CDK15: variants seen among roughly 807,000 people sequenced by gnomAD.
CDK15 encodes the protein cyclin-dependent kinase 15.
In CDK15, 62 loss-of-function variants were observed where a neutral mutation model predicts 60.3. The ratio of observed to expected loss-of-function variants is 1.03; its 90% confidence interval spans 0.84 to 1.27. The LOEUF (loss-of-function observed/expected upper bound fraction) is 1.27. CDK15 is among the 50% of genes most tolerant of loss of function. CDK15 has a pLI of 0.00. For synonymous variants in CDK15, 194 were observed against 195.7 expected (o/e 0.99, Z 0.07); for missense variants, 541 against 527.8 (o/e 1.03, Z -0.25).
At chr2:201,826,138 C>T (rs970363144) in intron 6 of CDK15, among the ~76,000 whole-genome samples, 26 of 152,270 alleles carry the variant, frequency 1.7e-4, no homozygotes, top group African/African-American at 4.8e-4. Flanking sequence ...AGATGTGCAA[C>T]GGCATCAAAG....
At chr2:201,865,649 G>A (rs1698591492) in intron 10 of CDK15, among the ~76,000 whole-genome samples, 1 of 152,052 alleles carries the variant, frequency 6.6e-6, no homozygotes, top group South Asian at 2.1e-4. Flanking sequence ...CAGCATTTTG[G>A]GAGGCCGAGG....
At chr2:201,889,709 AGTT>A (rs1165075719) in intron 12 of CDK15, among the ~76,000 whole-genome samples, 1 of 152,104 alleles carries the variant, frequency 6.6e-6, no homozygotes, top group African/African-American at 2.4e-5. Flanking sequence ...ATTTTCAAAT[AGTT>A]TTTTTTTTCT....
chr2:201,854,846 T>G, intron 9 of CDK15, 28 bp from the exon 10 acceptor site: 2 of 1,610,536 alleles, frequency 1.2e-6, no homozygotes, highest in Non-Finnish European at 1.7e-6. Flanking sequence ...CACCTCACCT[T>G]TCTTTTTCTT....
chr2:201,887,644 G>A (rs1174424661), intron 12 of CDK15, among the ~76,000 whole-genome samples: 1 of 152,116 alleles, frequency 6.6e-6, no homozygotes, highest in Non-Finnish European at 1.5e-5. Context: ...CCGAATGCAA[G>A]GGTTCATATA....
At chr2:201,884,165 G>A (rs988292524) in intron 12 of CDK15, among the ~76,000 whole-genome samples, 13 of 152,244 alleles carry the variant, frequency 8.5e-5, no homozygotes, top group African/African-American at 2.4e-4. Flanking sequence ...GTCCTTGATC[G>A]TCAGGACATC....
In CDK15 at chr2:201,835,812, C is replaced by T. The variant is rs748376765; in HGVS notation, c.851+49C>T. ...TGAGTCATCCTACTCACGAGGGTTGCTTTATCATCTACATTATATTTTAAT... is the reference window on the plus strand; with the variant it reads ...TGAGTCATCCTACTCACGAGGGTTGTTTTATCATCTACATTATATTTTAAT... On this transcript the variant is annotated intron_variant, in intron 8 of 13. Transcript: ENST00000652192. 6 of 1,382,018 alleles carry T rather than the reference C, an allele frequency of 4.3e-6. No homozygotes were observed. In the South Asian group the frequency reaches 1.2e-4, roughly 28 times the overall value. The allele number at this position is 1,382,018 out of a possible 1,614,324, so 85.6% of individuals were successfully genotyped here.
rs1699335124 is a variant in CDK15 at position 201,882,929 on chromosome 2, A to G, written c.1198+2762A>G. ...TGCTTTTTCATTGCCCCTGGCAATG[A>G]GCCTTTATTAACAGCCTCCTTTGCA... On this transcript the variant is annotated intron_variant, in intron 12 of 13. Transcript: ENST00000652192. This position sits in a 1 kb window ranked among gnomAD's most constrained non-coding sequence, Gnocchi z 4.0. Among the ~76,000 whole-genome samples, 1 of 152,070 alleles carries G rather than the reference A, an allele frequency of 6.6e-6. No individual in the cohort carries two copies. Among genetic ancestry groups the G allele is most frequent in the Non-Finnish European group, 1.5e-5 (1 of 68,020 alleles).
chr2:201,808,082 C>G (rs2106146043), intron 3 of CDK15, 130 bp downstream of exon 3: 1 of 652,020 alleles, frequency 1.5e-6, no homozygotes, highest in South Asian at 2.7e-5. Flanking sequence ...CCATGGCCGA[C>G]AGGGAGAGAG....
In CDK15 at chr2:201,875,693, G is replaced by A. The variant is rs533908604; in HGVS notation, c.1058+3367G>A. 1.7e-3 allele frequency among the ~76,000 whole-genome samples: 263 copies of A among 152,284 alleles called. 1 individual carries two copies. The highest frequency in any genetic ancestry group is 6.0e-3 in the African/African-American group (248 of 41,546). ...TGATCAAGGTAGTTCAATGGAAAAA[G>A]TAGGTTATAAGAGCATGTATAGTAT... On this transcript the variant is annotated intron_variant, in intron 11 of 13. Coordinates refer to ENST00000652192, the MANE Select transcript of CDK15 (RefSeq NM_001366386.2).
chr2:201,808,829 A>G (rs1465029731), intron 3 of CDK15: 1 of 151,920 alleles, frequency 6.6e-6, no homozygotes, highest in Admixed American at 6.6e-5. Flanking sequence ...CTAAATATTT[A>G]TTATTTATCT....
rs968883971 is a variant in CDK15 at position 201,895,512 on chromosome 2, T to C, written c.*2245T>C. The C allele has an allele frequency of 6.6e-6, 1 of 152,266 alleles. No individual in the cohort carries two copies. Among genetic ancestry groups the C allele is most frequent in the Non-Finnish European group, 1.5e-5 (1 of 68,050 alleles). 9.4% of individuals were successfully genotyped at this position (152,266 alleles called of 1,614,324 possible). ...CTAAAACATTTAAATCTTTCATTTC[T>C]CAATTTTATCAAATAAACATTCCTG... On this transcript the variant is annotated 3_prime_UTR_variant, in exon 14 of 14. Transcript: ENST00000652192.
At chr2:201,845,911 C>A (rs1043571747) in intron 8 of CDK15, among the ~76,000 whole-genome samples, 1 of 151,184 alleles carries the variant, frequency 6.6e-6, no homozygotes, top group Non-Finnish European at 1.5e-5. Context: ...TCACCTGAAC[C>A]ACTTTTAATA....
At chr2:201,877,908 A>G (rs1002776299) in intron 11 of CDK15, among the ~76,000 whole-genome samples, 3 of 152,244 alleles carry the variant, frequency 2.0e-5, no homozygotes, top group Non-Finnish European at 4.4e-5. Context: ...TGCAAATCTT[A>G]TGCAAAAATT....
intron 8 of CDK15, among the ~76,000 whole-genome samples, chr2:201,840,990 A>G (rs1645745961): frequency 1.3e-5 from 2 of 152,174 alleles, no homozygotes; most frequent in Admixed American, 1.3e-4. Flanking sequence ...AGCTCCAATG[A>G]AAGACTATTA....
chr2:201,850,146 A>G (rs2105779909), intron 9 of CDK15, among the ~76,000 whole-genome samples: 1 of 152,284 alleles, frequency 6.6e-6, no homozygotes, highest in South Asian at 2.1e-4. Flanking sequence ...TTTAAAATAC[A>G]ATATACAGTT....
intron 10 of CDK15, among the ~76,000 whole-genome samples, chr2:201,855,762 G>A (rs1698116831): frequency 6.6e-6 from 1 of 151,686 alleles, no homozygotes; most frequent in Admixed American, 6.6e-5. Context: ...GATTTTTCTA[G>A]TCTTTATGGT....
At chr2:201,819,213 C>A (rs1401824584) in intron 4 of CDK15, among the ~76,000 whole-genome samples, 1 of 152,048 alleles carries the variant, frequency 6.6e-6, no homozygotes, top group African/African-American at 2.4e-5. Context: ...AGGAAGTCTG[C>A]ACCTATATGT....
chr2:201,848,710 T>TAG (rs1457397696), intron 9 of CDK15, among the ~76,000 whole-genome samples: 1 of 152,196 alleles, frequency 6.6e-6, no homozygotes, highest in African/African-American at 2.4e-5. Flanking sequence ...ATCCATGTTG[T>TAG]AGAATGTGTC....
At chr2:201,856,007 T>A (rs1273379839) in intron 10 of CDK15, among the ~76,000 whole-genome samples, 1 of 152,076 alleles carries the variant, frequency 6.6e-6, no homozygotes, top group Non-Finnish European at 1.5e-5. Context: ...TTTGTATTTT[T>A]AGTAGAGATG....
Sources: allele counts gnomAD v4.1 joint callset (sites outside exome capture counted in the v4.1 genomes callset), GRCh38; gene constraint gnomAD v4.1.1; non-coding constraint Gnocchi (gnomAD v3.1); transcripts MANE v1.5; gene names NCBI Gene and HGNC (gene_info 2026-07-23, HGNC 2026-07-21).